EYS: variants seen among roughly 807,000 people sequenced by gnomAD.
EYS encodes the protein protein eyes shut homolog.
Under a neutral mutation model 282.1 loss-of-function variants are expected in EYS, and 250 were observed. That is an observed-to-expected ratio of 0.89 (90% CI 0.80 to 0.98). The LOEUF (loss-of-function observed/expected upper bound fraction) is 0.98. Ranked by LOEUF, EYS falls within the 50% of genes least tolerant of loss-of-function variation. EYS has a pLI of 0.00. For missense variants in EYS, 4,016 were observed against 3,709.0 expected (o/e 1.08, Z -2.15); for synonymous variants, 1,355 against 1,282.9 (o/e 1.06, Z -1.20).
intron 22 of EYS, among the ~76,000 whole-genome samples, chr6:64,763,594 C>G (rs781736186): frequency 1.3e-5 from 2 of 152,066 alleles, no homozygotes; most frequent in Non-Finnish European, 2.9e-5. Context: ...CAACCCTGGC[C>G]CCTCCTAAAT....
chr6:63,942,874 C>T (rs888821242), intron 35 of EYS, among the ~76,000 whole-genome samples: 3 of 152,204 alleles, frequency 2.0e-5, no homozygotes, highest in African/African-American at 7.2e-5. Context: ...TCAGCCTACT[C>T]AATGTGAAGA....
intron 12 of EYS, among the ~76,000 whole-genome samples, chr6:65,278,447 C>A (rs1768125001): frequency 9.4e-6 from 1 of 106,188 alleles, no homozygotes; most frequent in African/African-American, 2.9e-5. Flanking sequence ...CCTAATACAG[C>A]AGCTCATATC....
chr6:63,957,026 A>G (rs1182950479), intron 35 of EYS, among the ~76,000 whole-genome samples: 1 of 152,202 alleles, frequency 6.6e-6, no homozygotes, highest in Non-Finnish European at 1.5e-5. Flanking sequence ...ACAGATTGAT[A>G]AATTTGCTCT....
intron 26 of EYS, among the ~76,000 whole-genome samples, chr6:64,559,996 G>A (rs76049936): frequency 0.03 from 4,608 of 152,094 alleles, 151 homozygotes; most frequent in East Asian, 0.11. Flanking sequence ...CCACTTATAA[G>A]TGAGAACATT....
In EYS at chr6:63,864,287, T is replaced by C; in HGVS notation, c.7127A>G (p.Glu2376Gly). 6.4e-7 allele frequency: 1 copy of C among 1,551,644 alleles called. No individual in the cohort carries two copies. The highest frequency in any genetic ancestry group is 1.2e-5 in the South Asian group (1 of 84,042). Reference sequence around the variant, plus strand: ...GGCACCATTTCCACATGGGTTGTTTTCACAACTTGCAAACTGGCACAGCTT... The same window carrying C: ...GGCACCATTTCCACATGGGTTGTTTCCACAACTTGCAAACTGGCACAGCTT... ...SGKLCQFASC[E>G]NNPCGNGATC... The change falls in exon 36 of 43, where the codon GAA becomes GGA. Residue 2376 changes from glutamate (E) to glycine (G), a missense_variant. By Grantham distance (98) the Glu-to-Gly change is moderately conservative. Transcript: ENST00000503581.
intron 30 of EYS, among the ~76,000 whole-genome samples, chr6:64,259,586 C>T (rs1767513648): frequency 6.6e-6 from 1 of 151,710 alleles, no homozygotes; most frequent in Non-Finnish European, 1.5e-5. Context: ...AATTAGCAAA[C>T]ACAGATGGCC....
chr6:65,319,463 A>G (rs1769411569), intron 11 of EYS, among the ~76,000 whole-genome samples: 1 of 151,904 alleles, frequency 6.6e-6, no homozygotes, highest in African/African-American at 2.4e-5. Flanking sequence ...TGAATCTGAA[A>G]GTCTTCAGTT....
intron 39 of EYS, among the ~76,000 whole-genome samples, chr6:63,781,616 C>CTGAA (rs1259329386): frequency 4.6e-5 from 7 of 152,266 alleles, no homozygotes; most frequent in African/African-American, 7.2e-5. Context: ...TGAGACTTTG[C>CTGAA]TGAAGTTGCT....
intron 33 of EYS, among the ~76,000 whole-genome samples, chr6:64,013,120 G>T (rs1768722987): frequency 6.6e-6 from 1 of 152,130 alleles, no homozygotes; most frequent in Admixed American, 6.5e-5. Flanking sequence ...ATTAAAAAAG[G>T]ATCTGTGATG....
intron 12 of EYS, among the ~76,000 whole-genome samples, chr6:65,260,148 G>A (rs940948516): frequency 1.3e-5 from 2 of 152,120 alleles, no homozygotes; most frequent in Admixed American, 1.3e-4. Flanking sequence ...AAGGAGACGT[G>A]CCTAGTGAAG....
chr6:65,338,180 GTAATTTCTAGGACTAAAAAA>G (rs1336967287), intron 10 of EYS, among the ~76,000 whole-genome samples: 1 of 150,978 alleles, frequency 6.6e-6, no homozygotes, highest in Non-Finnish European at 1.5e-5. Flanking sequence ...ACTATTGCAA[GTAATTTCTAGGACTAAAAAA>G]TAATTTTGGA....
chr6:64,206,576 G>C lies in EYS; in HGVS notation c.6424+24016C>G, dbSNP rs143430366. Among the ~76,000 whole-genome samples the C allele has an allele frequency of 4.8e-3, 738 of 152,214 alleles. 8 individuals carry two copies. Among genetic ancestry groups the C allele is most frequent in the African/African-American group, 0.017 (698 of 41,524 alleles). On this transcript the variant is annotated intron_variant, in intron 31 of 42. Transcript: ENST00000503581. ...TTTCTTGTCATGAATTTTATGATAT[G>C]TGAAAATCATAAAGATTACAACATC... is the stretch of plus-strand genomic sequence containing the variant.
intron 24 of EYS, among the ~76,000 whole-genome samples, chr6:64,594,294 G>T (rs1766504709): frequency 6.6e-6 from 1 of 152,166 alleles, no homozygotes; most frequent in South Asian, 2.1e-4. Context: ...TTTTAGGAAA[G>T]AACTAACACC....
At chr6:64,922,860 T>C (rs1438243944) in intron 15 of EYS, among the ~76,000 whole-genome samples, 4 of 152,082 alleles carry the variant, frequency 2.6e-5, no homozygotes, top group Admixed American at 2.6e-4. Context: ...CACAGAGCAG[T>C]GGAGATGGAC....
At chr6:64,171,267 G>A (rs184487075) in intron 31 of EYS, among the ~76,000 whole-genome samples, 3 of 151,984 alleles carry the variant, frequency 2.0e-5, no homozygotes, top group African/African-American at 4.8e-5. Flanking sequence ...ATCTATATAC[G>A]GAAAGTAAGT....
chr6:65,554,577 C>T (rs1042804161), intron 2 of EYS, among the ~76,000 whole-genome samples: 1 of 152,146 alleles, frequency 6.6e-6, no homozygotes, highest in African/African-American at 2.4e-5. Flanking sequence ...AGCTATCTGC[C>T]TTCTACAGTA....
intron 35 of EYS, among the ~76,000 whole-genome samples, chr6:63,913,125 T>G (rs1764319529): frequency 6.6e-6 from 1 of 152,174 alleles, no homozygotes; most frequent in South Asian, 2.1e-4. Flanking sequence ...GGGAAAGTCA[T>G]TTTTTCATAT....
At chr6:64,084,453 G>A (rs1182126664) in intron 31 of EYS, among the ~76,000 whole-genome samples, 1 of 152,208 alleles carries the variant, frequency 6.6e-6, no homozygotes. Flanking sequence ...TTAAGAGCTG[G>A]AGTGAGAGAG....
At chr6:64,403,135 C>A (rs886205178) in intron 28 of EYS, among the ~76,000 whole-genome samples, 1 of 151,722 alleles carries the variant, frequency 6.6e-6, no homozygotes, top group South Asian at 2.1e-4. Flanking sequence ...TCATTATAAG[C>A]AATTAAGCCA....
Sources: allele counts gnomAD v4.1 joint callset (sites outside exome capture counted in the v4.1 genomes callset), GRCh38; gene constraint gnomAD v4.1.1; transcripts MANE v1.5; gene names NCBI Gene and HGNC (gene_info 2026-07-23, HGNC 2026-07-21).